The following TMEM198 variants were observed in gnomAD, a reference collection of about 807,000 sequenced individuals.
TMEM198 encodes transmembrane protein 198.
In TMEM198, 21 loss-of-function variants were observed where a neutral mutation model predicts 31.5. That is an observed-to-expected ratio of 0.67 (90% CI 0.47 to 0.96). The LOEUF (loss-of-function observed/expected upper bound fraction) is 0.96. Among genes scored for constraint, TMEM198 ranks in the 40% least tolerant of loss-of-function variants. TMEM198 has a pLI of 0.00. For missense variants in TMEM198, 447 were observed against 499.4 expected (o/e 0.89, Z 1.00); for synonymous variants, 211 against 223.3 (o/e 0.95, Z 0.49).
upstream of TMEM198, chr2:219,543,668 C>G: frequency 1.6e-6 from 1 of 611,110 alleles, no homozygotes; most frequent in Non-Finnish European, 2.5e-6. Flanking sequence ...GCTCCCTCCC[C>G]GCAGAGCAGA....
chr2:219,544,890 T>C lies in TMEM198; in HGVS notation c.163T>C (p.Phe55Leu), dbSNP rs754153007. ...TTTGTTTGGAGTCGTCTACTGCTTC[T>C]TCGGTGAGATCCCCATCTCATCCCT... ...CCLFGVVYCF[F>L]GYRCFKAVLF... Residue 55 changes from phenylalanine (F) to leucine (L), a missense_variant, in exon 2 of 5, where the codon TTC (phenylalanine) becomes CTC (leucine). Coordinates refer to ENST00000373883, the MANE Select transcript of TMEM198 (RefSeq NM_001005209.3). 1 of 1,613,724 alleles carries C rather than the reference T, an allele frequency of 6.2e-7. No homozygotes were observed. The highest frequency in any genetic ancestry group is 1.1e-5 in the South Asian group (1 of 91,078).
Position 219,544,387 on chromosome 2 carries a change from G to A in TMEM198, c.-40+10G>A, listed in dbSNP as rs1202496951. ...GTCGCCTCCAGCCCAGGTAAATCTTGGACAATCCCATATTGAGCCGCCCAC... is the reference window on the plus strand; with the variant it reads ...GTCGCCTCCAGCCCAGGTAAATCTTAGACAATCCCATATTGAGCCGCCCAC... On this transcript the variant is annotated intron_variant, in intron 1 of 4. Coordinates refer to ENST00000373883, the MANE Select transcript of TMEM198 (RefSeq NM_001005209.3). The A allele has an allele frequency of 2.0e-6, 1 of 509,642 alleles. No homozygotes were observed. The highest frequency in any genetic ancestry group is 3.8e-6 in the Non-Finnish European group (1 of 260,480). 31.6% of individuals were successfully genotyped at this position (509,642 alleles called of 1,614,324 possible).
chr2:219,547,500 C>G lies in TMEM198; in HGVS notation c.167-6C>G. The G allele has an allele frequency of 7.0e-7, 1 of 1,421,450 alleles. No individual in the cohort carries two copies. The highest frequency in any genetic ancestry group is 9.2e-7 in the Non-Finnish European group (1 of 1,082,460). The allele number at this position is 1,421,450 out of a possible 1,614,324, so 88.1% of individuals were successfully genotyped here. ...TGGCCCCTCACTAGCCCCTGTTCCCCTCCAGGTTACCGCTGCTTCAAGGCA... is the reference window on the plus strand; with the variant it reads ...TGGCCCCTCACTAGCCCCTGTTCCCGTCCAGGTTACCGCTGCTTCAAGGCA... On this transcript the variant is annotated splice_polypyrimidine_tract_variant and splice_region_variant and intron_variant, in intron 2 of 4. Coordinates refer to ENST00000373883, the MANE Select transcript of TMEM198 (RefSeq NM_001005209.3).
intron 4 of TMEM198, 124 bp from the exon 5 acceptor site, chr2:219,549,593 A>G: frequency 6.9e-7 from 1 of 1,451,546 alleles, no homozygotes; most frequent in Non-Finnish European, 9.4e-7. Flanking sequence ...GTGGGGTCTC[A>G]GGGCTGTGGA....
intron 1 of TMEM198, 34 bp downstream of exon 1, chr2:219,544,411 A>G (rs769303775): frequency 1.9e-6 from 1 of 529,576 alleles, no homozygotes; most frequent in South Asian, 1.6e-5. Flanking sequence ...TGAGCCGCCC[A>G]CAGATGAATC....
In TMEM198 at chr2:219,547,838, T is replaced by G; in HGVS notation, c.499T>G (p.Trp167Gly). 2 of 1,587,896 alleles carry G rather than the reference T, an allele frequency of 1.3e-6. No individual in the cohort carries two copies. Among genetic ancestry groups the G allele is most frequent in the Non-Finnish European group, 1.7e-6 (2 of 1,172,322 alleles). ...GCTCTGTGCCCTGCTCACTCTGCGC[T>G]GGCCCCGCCCACTCACCACCCTGGC... is the stretch of plus-strand genomic sequence containing the variant. Reference protein sequence around the residue: ...GLLCALLTLRWPRPLTTLATA... With the variant: ...GLLCALLTLRGPRPLTTLATA... The change falls in exon 3 of 5, where the codon TGG becomes GGG. Residue 167 changes from tryptophan (W) to glycine (G), a missense_variant. Coordinates refer to ENST00000373883, the MANE Select transcript of TMEM198 (RefSeq NM_001005209.3).
At chr2:219,544,995 AAT>A (rs1406898087) in intron 2 of TMEM198, 102 bp downstream of exon 2, 2 of 1,362,398 alleles carry the variant, frequency 1.5e-6, no homozygotes, top group Non-Finnish European at 2.0e-6. Flanking sequence ...CATCATGAAT[AAT>A]TCTTCCTTTT....
chr2:219,545,405 TC>T (rs917219984), intron 2 of TMEM198, among the ~76,000 whole-genome samples: 18 of 152,020 alleles, frequency 1.2e-4, no homozygotes, highest in Middle Eastern at 3.4e-3. Context: ...GTCACACACA[TC>T]CATCCAGCCT....
At chr2:219,547,279 T>C (rs1695408251) in intron 2 of TMEM198, 2 of 428,050 alleles carry the variant, frequency 4.7e-6, no homozygotes, top group Non-Finnish European at 8.3e-6. Context: ...ATCTCAATGG[T>C]TATGTTTGCC....
At chr2:219,548,191 TAG>T in intron 3 of TMEM198, 110 bp downstream of exon 3, 1 of 1,039,064 alleles carries the variant, frequency 9.6e-7, no homozygotes, top group Non-Finnish European at 1.4e-6. Context: ...TCGATGGCGG[TAG>T]AGAGCTGACT....
Position 219,544,725 on chromosome 2 carries a change from A to T in TMEM198, c.-3A>T. ...AGGGTGACTCCCTTCTATTCCCAGC[A>T]CTATGCCGGGGACTGTGGCAACACT... On this transcript the variant is annotated 5_prime_UTR_variant, in exon 2 of 5. Coordinates refer to ENST00000373883, the MANE Select transcript of TMEM198 (RefSeq NM_001005209.3). 6.2e-7 allele frequency: 1 copy of T among 1,613,272 alleles called. No homozygotes were observed. The highest frequency in any genetic ancestry group is 8.5e-7 in the Non-Finnish European group (1 of 1,179,846).
chr2:219,547,194 C>G (rs1695406656), intron 2 of TMEM198: 1 of 263,016 alleles, frequency 3.8e-6, no homozygotes, highest in African/African-American at 2.2e-5. Flanking sequence ...CCCAAAGACA[C>G]CAATGCACGA....
Position 219,544,835 on chromosome 2 carries a change from A to C in TMEM198, c.108A>C (p.Ala36=). 6.2e-7 allele frequency: 1 copy of C among 1,614,232 alleles called. No homozygotes were observed. Among genetic ancestry groups the C allele is most frequent in the Non-Finnish European group, 8.5e-7 (1 of 1,180,038 alleles). The change falls in exon 2 of 5, where the codon GCA becomes GCC. Residue 36 remains alanine, a synonymous_variant. Transcript: ENST00000373883. ...CEQPLERRYQ[A]LPALVCIMCC... ...AGCCCCTGGAGCGCAGGTACCAGGCACTGCCGGCCCTCGTCTGCATCATGT... is the reference window on the plus strand; with the variant it reads ...AGCCCCTGGAGCGCAGGTACCAGGCCCTGCCGGCCCTCGTCTGCATCATGT...
At chr2:219,543,807 T>A, upstream of TMEM198, 1 of 446,496 alleles carries the variant, frequency 2.2e-6, no homozygotes, top group Non-Finnish European at 4.0e-6. Flanking sequence ...GACGTGTCAC[T>A]GCAAGGGCCC....
intron 2 of TMEM198, among the ~76,000 whole-genome samples, 160 bp downstream of exon 2, chr2:219,545,053 G>GA (rs1309403473): frequency 6.6e-6 from 1 of 152,166 alleles, no homozygotes; most frequent in Non-Finnish European, 1.5e-5. Context: ...TAGATTATAG[G>GA]AAAAACAGGT....
intron 2 of TMEM198, among the ~76,000 whole-genome samples, chr2:219,546,265 A>T (rs930330102): frequency 6.6e-6 from 1 of 151,856 alleles, no homozygotes; most frequent in African/African-American, 2.4e-5. Context: ...AACTATTCAG[A>T]ATCTCCACTT....
Position 219,550,513 on chromosome 2 carries a change from A to G in TMEM198, c.*659A>G. 1 of 388,712 alleles carries G rather than the reference A, an allele frequency of 2.6e-6. No homozygotes were observed. Among genetic ancestry groups the G allele is most frequent in the East Asian group, 4.6e-5 (1 of 21,554 alleles). 24.1% of individuals were successfully genotyped at this position (388,712 alleles called of 1,614,324 possible). ...TCTGGTGTCTGTCATGCCAACCTAG[A>G]CACCTCATGCTTCTGTCTCCCCCAC... On this transcript the variant is annotated 3_prime_UTR_variant, in exon 5 of 5. Transcript: ENST00000373883.
chr2:219,547,275 A>G (rs911684151), intron 2 of TMEM198: 2 of 424,024 alleles, frequency 4.7e-6, no homozygotes, highest in South Asian at 1.7e-4. Context: ...CATGATCTCA[A>G]TGGTTATGTT....
At position 219,544,212 on chromosome 2, in the gene TMEM198, C is replaced by A; in HGVS notation, c.-205C>A. 1 of 463,262 alleles carries A rather than the reference C, an allele frequency of 2.2e-6. No homozygotes were observed. 28.7% of individuals were successfully genotyped at this position (463,262 alleles called of 1,614,324 possible). A position where few individuals can be genotyped will look rare whatever the true frequency, so the allele number is the denominator to read the frequency against. On this transcript the variant is annotated 5_prime_UTR_variant, in exon 1 of 5. Transcript: ENST00000373883. ...GCCGGTGTTGGACGTGGAGCGGCGC[C>A]GCCACCGCGCCGACACCATTCTCTC...
Sources: gnomAD v4.1 joint callset for allele counts (sites outside exome capture counted in the v4.1 genomes callset) on GRCh38, gnomAD v4.1.1 for gene constraint, MANE v1.5 for transcripts, NCBI Gene and HGNC (gene_info 2026-07-23, HGNC 2026-07-21) for gene names.